TCP1: variants seen among roughly 807,000 people sequenced by gnomAD.
The protein encoded by TCP1 is t-complex 1.
Under a neutral mutation model 54.7 loss-of-function variants are expected in TCP1, and 6 were observed. The ratio of observed to expected loss-of-function variants is 0.11; its 90% confidence interval spans 0.06 to 0.22. The LOEUF (loss-of-function observed/expected upper bound fraction) is 0.22. Ranked by LOEUF, TCP1 falls within the 10% of genes least tolerant of loss-of-function variation. TCP1 has a pLI of 1.00. For synonymous variants in TCP1, 225 were observed against 229.7 expected (o/e 0.98, Z 0.19); for missense variants, 511 against 678.2 (o/e 0.75, Z 2.74).
At chr6:159,785,695 A>T (rs576474626) in intron 4 of TCP1, 199 bp from the exon 5 acceptor site, 1 of 792,518 alleles carries the variant, frequency 1.3e-6, no homozygotes, top group African/African-American at 1.7e-5. Flanking sequence ...AGCCACTAAA[A>T]TCTATTATTA....
Position 159,784,084 on chromosome 6 carries a change from G to A in TCP1, c.671-17C>T, listed in dbSNP as rs370051081. On this transcript the variant is annotated splice_polypyrimidine_tract_variant and intron_variant, in intron 6 of 11. Transcript: ENST00000321394. ...TGGGCATGCCTACAATTGAACATAA[G>A]ATTAAGTTAATACGTCTATCCTTAA... The A allele has an allele frequency of 5.0e-5, 80 of 1,610,090 alleles. No individual in the cohort carries two copies. In the African/African-American group the frequency reaches 9.4e-4, roughly 19 times the overall value.
Position 159,779,096 on chromosome 6 carries a change from A to G in TCP1, c.1620T>C (p.Asp540=), listed in dbSNP as rs1390702026. ...LIKLHPESKD[D]KHGSYEDAVH... ...CAGCATCTTCATAACTTCCATGTTT[A>G]TCATCTTTACTTTCTGGATGTAATT... Residue 540 remains aspartate, a synonymous_variant, in exon 12 of 12, where the codon GAT becomes GAC. Coordinates refer to ENST00000321394, the MANE Select transcript of TCP1 (RefSeq NM_030752.3). 6 of 1,614,000 alleles carry G rather than the reference A, an allele frequency of 3.7e-6. No homozygotes were observed. Among genetic ancestry groups the G allele is most frequent in the Non-Finnish European group, 5.1e-6 (6 of 1,179,986 alleles).
At chr6:159,787,593 T>G in intron 3 of TCP1, 150 bp downstream of exon 3, 1 of 676,296 alleles carries the variant, frequency 1.5e-6, no homozygotes, top group Non-Finnish European at 2.1e-6. Context: ...AATGTGTAAC[T>G]TCTTTTGTTT....
chr6:159,789,417 G>C lies in TCP1; in HGVS notation c.52C>G (p.Arg18Gly). The change falls in exon 1 of 12, where the codon CGC becomes GGC. Residue 18 changes from arginine (R) to glycine (G), a missense_variant. Arg to Gly is a moderately radical substitution (Grantham distance 125). Around this residue, in one of 5 missense-constraint regions of TCP1, gnomAD observed 35 missense variants for 32.7 expected, o/e 1.07. Transcript: ENST00000321394. ...FGDRSTGETI[R>G]SQNVMAAASI... is the part of the protein sequence containing the mutation. ...GGCCCGCCCTTACCGTTTTGGGAGC[G>C]GATCGTTTCCCCAGTGCTGCGGTCA... 2 of 1,613,744 alleles carry C rather than the reference G, an allele frequency of 1.2e-6. No individual in the cohort carries two copies. Among genetic ancestry groups the C allele is most frequent in the Non-Finnish European group, 1.7e-6 (2 of 1,179,822 alleles).
rs1437110147 is a variant in TCP1 at position 159,780,915 on chromosome 6, A to ACAGC, written c.973+16_973+19dup. 6.4e-7 allele frequency: 1 copy of ACAGC among 1,570,530 alleles called. No individual in the cohort carries two copies. The highest frequency in any genetic ancestry group is 8.6e-7 in the Non-Finnish European group (1 of 1,165,368). Reference sequence around the variant, plus strand: ...AGGGATAATAAAAGTATTTTATGTGACAGCCAGCACAAGACATACCTCCAG... The same window carrying ACAGC: ...AGGGATAATAAAAGTATTTTATGTGACAGCCAGCCAGCACAAGACATACCTCCAG... On this transcript the variant is annotated intron_variant, in intron 8 of 11. Coordinates refer to ENST00000321394, the MANE Select transcript of TCP1 (RefSeq NM_030752.3).
At chr6:159,789,316 G>T in intron 1 of TCP1, 89 bp downstream of exon 1, 1 of 1,500,274 alleles carries the variant, frequency 6.7e-7, no homozygotes, top group East Asian at 2.4e-5. Context: ...CGGAGGTAAA[G>T]GAGAGAAACG....
At position 159,787,859 on chromosome 6, in the gene TCP1, T is replaced by C; in HGVS notation, c.163A>G (p.Thr55Ala). Residue 55 changes from threonine to alanine, a missense_variant, in exon 3 of 12, where the codon ACT becomes GCT. Physicochemically the swap from Thr to Ala is moderately conservative, Grantham distance 58. Around this residue, in one of 5 missense-constraint regions of TCP1, gnomAD observed 54 missense variants for 111.8 expected, o/e 0.48. Transcript: ENST00000321394. ...LVDDIGDVTITNDGATILKLL... is the reference protein window; with the variant it reads ...LVDDIGDVTIANDGATILKLL... ...TTCAGGATGGTTGCACCATCGTTAG[T>C]AATGGTTACATCCTAAGAAATTCGC... 1 of 1,614,196 alleles carries C rather than the reference T, an allele frequency of 6.2e-7. No individual in the cohort carries two copies. The highest frequency in any genetic ancestry group is 1.1e-5 in the South Asian group (1 of 91,090).
intron 3 of TCP1, among the ~76,000 whole-genome samples, chr6:159,786,214 A>T (rs1780693907): frequency 6.6e-6 from 1 of 152,244 alleles, no homozygotes; most frequent in Non-Finnish European, 1.5e-5. Flanking sequence ...TGCCACTTTA[A>T]GCAAAACAAT....
Position 159,786,627 on chromosome 6 carries a change from G to C in TCP1, c.280-630C>G, listed in dbSNP as rs543977716. ...AGCAAAAAGACTGTCAGCTTCTTAT[G>C]GAAGGAAAACTACATTTGTTAAATC... On this transcript the variant is annotated intron_variant, in intron 3 of 11. Transcript: ENST00000321394. Among the ~76,000 whole-genome samples the C allele has an allele frequency of 4.6e-5, 7 of 152,274 alleles. No homozygotes were observed. The South Asian group carries it at 1.4e-3, about 32-fold the overall frequency.
In TCP1 at chr6:159,778,872, T is replaced by C. The variant is rs1286662274; in HGVS notation, c.*173A>G. ...CAACCTCAATTTCTTTTTAAACTAATAAAGTACTAGGTTGCAATATGTGAA... is the reference window on the plus strand; with the variant it reads ...CAACCTCAATTTCTTTTTAAACTAACAAAGTACTAGGTTGCAATATGTGAA... On this transcript the variant is annotated 3_prime_UTR_variant, in exon 12 of 12. Coordinates refer to ENST00000321394, the MANE Select transcript of TCP1 (RefSeq NM_030752.3). 2 of 1,612,486 alleles carry C rather than the reference T, an allele frequency of 1.2e-6. No individual in the cohort carries two copies. The highest frequency in any genetic ancestry group is 1.7e-6 in the Non-Finnish European group (2 of 1,178,836).
In TCP1 at chr6:159,789,511, G is replaced by A. The variant is rs755885397; in HGVS notation, c.-43C>T. The A allele has an allele frequency of 5.0e-6, 8 of 1,611,982 alleles. No homozygotes were observed. The East Asian group carries it at 1.1e-4, about 22-fold the overall frequency. On this transcript the variant is annotated 5_prime_UTR_variant, in exon 1 of 12. Coordinates refer to ENST00000321394, the MANE Select transcript of TCP1 (RefSeq NM_030752.3). ...ACGTCGAATTCTGCTTACACCGCGG[G>A]CAACCAGTATCGCGGCCCCTCGGCC...
intron 1 of TCP1, chr6:159,789,023 TA>T: frequency 4.6e-6 from 1 of 215,888 alleles, no homozygotes; most frequent in African/African-American, 2.3e-5. Flanking sequence ...TAAATGGTCC[TA>T]AAATAAAACC....
At position 159,778,648 on chromosome 6, in the gene TCP1, T is replaced by TC. The variant is rs1208825461; in HGVS notation, c.*396dup. 1.2e-6 allele frequency: 2 copies of TC among 1,612,344 alleles called. No individual in the cohort carries two copies. Among genetic ancestry groups the TC allele is most frequent in the Non-Finnish European group, 8.5e-7 (1 of 1,178,950 alleles). On this transcript the variant is annotated 3_prime_UTR_variant, in exon 12 of 12. Coordinates refer to ENST00000321394, the MANE Select transcript of TCP1 (RefSeq NM_030752.3). The stretch of plus-strand genomic sequence containing the variant: ...AAGAATAAACAATCTAAATCTTTTC[T>TC]CCCCCGTTAGGTCAATATTGAAGGA...
chr6:159,780,159 C>A, intron 9 of TCP1, 72 bp from the exon 10 acceptor site: 2 of 1,537,548 alleles, frequency 1.3e-6, no homozygotes, highest in Non-Finnish European at 1.8e-6. Context: ...CCATCAATTT[C>A]TCAAAAAAAA....
At chr6:159,784,131 T>C (rs1371396208) in intron 6 of TCP1, 64 bp from the exon 7 acceptor site, 8 of 1,535,416 alleles carry the variant, frequency 5.2e-6, no homozygotes, top group Middle Eastern at 3.5e-4. Context: ...AGAGTACCTA[T>C]AATCGATTGT....
chr6:159,780,956 G>A lies in TCP1; in HGVS notation c.952C>T (p.Arg318Cys), dbSNP rs142939243. 19 of 1,609,086 alleles carry A rather than the reference G, an allele frequency of 1.2e-5. No individual in the cohort carries two copies. The highest frequency in any genetic ancestry group is 7.8e-5 in the South Asian group (7 of 89,974). Reference sequence around the variant, plus strand: ...ATACCTCCAGAAGCTTTGGCAATGCGTTTAAGGTCCCTTTTTAAAACTCTT... The same window carrying A: ...ATACCTCCAGAAGCTTTGGCAATGCATTTAAGGTCCCTTTTTAAAACTCTT... ...VRRVLKRDLKRIAKASGATIL... is the reference protein window; with the variant it reads ...VRRVLKRDLKCIAKASGATIL... The change falls in exon 8 of 12, where the codon CGC (arginine) becomes TGC (cysteine). Residue 318 changes from arginine to cysteine, a missense_variant. By Grantham distance (180) the Arg-to-Cys change is radical. Coordinates refer to ENST00000321394, the MANE Select transcript of TCP1 (RefSeq NM_030752.3).
chr6:159,778,843 T>A lies in TCP1; in HGVS notation c.*202A>T. On this transcript the variant is annotated 3_prime_UTR_variant, in exon 12 of 12. Transcript: ENST00000321394. ...CAGAGAGAATGAATTGCTTAAACTT[T>A]GAACAACCTCAATTTCTTTTTAAAC... 1.2e-6 allele frequency: 2 copies of A among 1,613,956 alleles called. No individual in the cohort carries two copies. Among genetic ancestry groups the A allele is most frequent in the Non-Finnish European group, 8.5e-7 (1 of 1,179,874 alleles).
intron 11 of TCP1, 125 bp downstream of exon 11, chr6:159,779,502 G>T: frequency 1.5e-6 from 2 of 1,328,946 alleles, no homozygotes; most frequent in Non-Finnish European, 2.1e-6. Context: ...TGCTTGCTGT[G>T]AAGTTTTTCA....
Position 159,787,949 on chromosome 6 carries a change from A to G in TCP1, c.151-78T>C, listed in dbSNP as rs758265349. 44 of 1,605,786 alleles carry G rather than the reference A, an allele frequency of 2.7e-5. 1 individual carries two copies. In the South Asian group the frequency reaches 3.3e-4, roughly 12 times the overall value. On this transcript the variant is annotated intron_variant, in intron 2 of 11. Transcript: ENST00000321394. ...CCATTATAATACACGTTCACCTTTA[A>G]TATCACCTTCCAGTACGTGGATTCT... is the stretch of plus-strand genomic sequence containing the variant.
Sources: gnomAD v4.1 joint callset for allele counts (sites outside exome capture counted in the v4.1 genomes callset) on GRCh38, gnomAD v4.1.1 for gene constraint, gnomAD v4.1.1 regional missense constraint, MANE v1.5 for transcripts, NCBI Gene and HGNC (gene_info 2026-07-23, HGNC 2026-07-21) for gene names.